MAP4K3: variants seen among roughly 807,000 people sequenced by gnomAD.
The protein encoded by MAP4K3 is mitogen-activated protein kinase kinase kinase kinase 3.
In MAP4K3, 94 loss-of-function variants were observed where a neutral mutation model predicts 143.5. The ratio of observed to expected loss-of-function variants is 0.65; its 90% CI spans 0.55 to 0.78. MAP4K3 has a LOEUF of 0.78. MAP4K3 is among the 30% of genes least tolerant of loss of function. The pLI is 0.00. For synonymous variants in MAP4K3, 416 were observed against 347.2 expected, an observed-to-expected ratio of 1.20 and a Z score of -2.20; for missense variants, 1,077 against 1,068.1, an observed-to-expected ratio of 1.01 and a Z score of -0.12.
chr2:39,416,002 T>TAA (rs1667367430), intron 1 of MAP4K3, among the ~76,000 whole-genome samples: 5 of 91,150 alleles, frequency 5.5e-5, no homozygotes, highest in African/African-American at 2.3e-4. Flanking sequence ...TATATATATA[T>TAA]ATAAAAATAA....
chr2:39,383,988 A>G (rs1217950508), intron 1 of MAP4K3, among the ~76,000 whole-genome samples: 2 of 151,836 alleles, frequency 1.3e-5, no homozygotes, highest in African/African-American at 2.4e-5. Context: ...GCATGTGCCT[A>G]TAGTCCCAGT....
At chr2:39,257,240 A>C (rs1006106595) in intron 31 of MAP4K3, among the ~76,000 whole-genome samples, 1 of 152,212 alleles carries the variant, frequency 6.6e-6, no homozygotes, top group African/African-American at 2.4e-5. Context: ...GCACTATCCT[A>C]CATAAGATGA....
chr2:39,303,602 G>A (rs900178847), intron 15 of MAP4K3, among the ~76,000 whole-genome samples: 2 of 152,122 alleles, frequency 1.3e-5, no homozygotes, highest in Non-Finnish European at 2.9e-5. Flanking sequence ...GCAGTGGCAC[G>A]ATCTCGGCTC....
chr2:39,415,980 AATATATATATATATAT>A (rs1553318574), intron 1 of MAP4K3, among the ~76,000 whole-genome samples: 1 of 14,756 alleles, frequency 6.8e-5, no homozygotes, highest in African/African-American at 2.0e-4. Context: ...AAAAAAAAAA[AATATATATATATATAT>A]ATATATATAA....
chr2:39,335,826 T>C (rs1664932848), intron 6 of MAP4K3, among the ~76,000 whole-genome samples: 1 of 152,176 alleles, frequency 6.6e-6, no homozygotes, highest in African/African-American at 2.4e-5. Flanking sequence ...TTGAAATTTC[T>C]TGGAAAATTT....
chr2:39,306,078 T>A (rs190234001), intron 15 of MAP4K3, among the ~76,000 whole-genome samples: 2 of 152,228 alleles, frequency 1.3e-5, no homozygotes, highest in Non-Finnish European at 2.9e-5. Context: ...TCTGCCCGCC[T>A]TGGCCTCCCA....
In MAP4K3 at chr2:39,356,249, C is replaced by G. The variant is rs751662211; in HGVS notation, c.245G>C (p.Arg82Thr). The change falls in exon 3 of 34, where the codon AGG (arginine) becomes ACG (threonine). Residue 82 changes from arginine (R) to threonine (T), a missense_variant and splice_region_variant. By Grantham distance (71) the Arg-to-Thr change is moderately conservative. This residue lies in a region of MAP4K3 where 213 missense variants were observed against 266.8 expected (regional missense o/e 0.80). Coordinates refer to ENST00000263881, the MANE Select transcript of MAP4K3 (RefSeq NM_003618.4). ...TTCAAAAGGGAAACAAACAGTATAC[C>G]TGAGATAGCTTCCAAAATAAGCAAC... ...NIVAYFGSYL[R>T]RDKLWICMEF... 6.4e-7 allele frequency: 1 copy of G among 1,566,462 alleles called. No individual in the cohort carries two copies. The highest frequency in any genetic ancestry group is 8.7e-7 in the Non-Finnish European group (1 of 1,145,822).
chr2:39,346,002 G>A (rs1050414332), intron 3 of MAP4K3, among the ~76,000 whole-genome samples: 11 of 151,332 alleles, frequency 7.3e-5, no homozygotes, highest in African/African-American at 2.7e-4. Context: ...TTCATAGGTG[G>A]TTCACATAAC....
intron 22 of MAP4K3, among the ~76,000 whole-genome samples, chr2:39,281,452 G>C (rs1031072487): frequency 2.4e-4 from 36 of 152,284 alleles, no homozygotes; most frequent in African/African-American, 8.2e-4. Flanking sequence ...CATGTCTTTA[G>C]GATGTAGGGC....
chr2:39,417,641 CAGAG>C (rs1450325906), intron 1 of MAP4K3, among the ~76,000 whole-genome samples: 13 of 152,254 alleles, frequency 8.5e-5, no homozygotes, highest in Admixed American at 2.0e-4. Context: ...CAGATACAGA[CAGAG>C]AGATACTAAA....
Position 39,437,264 on chromosome 2 carries a change from G to C in MAP4K3, c.-277C>G, listed in dbSNP as rs1233456359. The C allele has an allele frequency of 1.2e-5, 3 of 254,348 alleles. No individual in the cohort carries two copies. The highest frequency in any genetic ancestry group is 2.2e-5 in the Non-Finnish European group (3 of 134,626). The allele number at this position is 254,348 out of a possible 1,614,324, so 15.8% of individuals were successfully genotyped here. A position where few individuals can be genotyped will look rare whatever the true frequency, so the allele number is the denominator to read the frequency against. ...GAACCCTCGCAGCCCCTCGCTCGGGGTGAAACTCCAACATGGCTTCCGCTT... is the reference window on the plus strand; with the variant it reads ...GAACCCTCGCAGCCCCTCGCTCGGGCTGAAACTCCAACATGGCTTCCGCTT... On this transcript the variant is annotated 5_prime_UTR_variant, in exon 1 of 34. Coordinates refer to ENST00000263881, the MANE Select transcript of MAP4K3 (RefSeq NM_003618.4).
intron 26 of MAP4K3, among the ~76,000 whole-genome samples, chr2:39,268,632 C>CTTT (rs1389888924): frequency 8.7e-5 from 4 of 45,734 alleles, no homozygotes; most frequent in Non-Finnish European, 1.7e-4. Context: ...AAGATTTTTT[C>CTTT]TATTTTTTTT....
intron 3 of MAP4K3, among the ~76,000 whole-genome samples, chr2:39,355,359 CAAAAAA>C (rs34355105): frequency 2.9e-5 from 1 of 34,540 alleles, no homozygotes; most frequent in South Asian, 1.1e-3. Flanking sequence ...GACTCCACCT[CAAAAAA>C]AAAAAAAAAA....
At chr2:39,391,832 G>T (rs1263616724) in intron 1 of MAP4K3, among the ~76,000 whole-genome samples, 3 of 152,084 alleles carry the variant, frequency 2.0e-5, no homozygotes, top group African/African-American at 7.2e-5. Context: ...CATGGAGTTG[G>T]GAGGAGATGC....
chr2:39,334,925 C>T (rs1206346334), intron 6 of MAP4K3, among the ~76,000 whole-genome samples: 1 of 152,044 alleles, frequency 6.6e-6, no homozygotes, highest in East Asian at 1.9e-4. Context: ...GAAGGCCTCT[C>T]CAAAGGCAGT....
intron 1 of MAP4K3, among the ~76,000 whole-genome samples, chr2:39,428,326 C>A (rs1048927802): frequency 1.3e-5 from 2 of 152,156 alleles, no homozygotes; most frequent in Non-Finnish European, 2.9e-5. Context: ...GCAAAATACA[C>A]AGAAACACAC....
At chr2:39,420,779 A>T (rs963675995) in intron 1 of MAP4K3, among the ~76,000 whole-genome samples, 7 of 152,198 alleles carry the variant, frequency 4.6e-5, no homozygotes, top group Non-Finnish European at 5.9e-5. Context: ...TGAAAACTCA[A>T]GCAAAAGATG....
intron 1 of MAP4K3, among the ~76,000 whole-genome samples, chr2:39,418,394 A>G (rs975804603): frequency 4.6e-5 from 7 of 152,174 alleles, no homozygotes; most frequent in African/African-American, 1.7e-4. Flanking sequence ...AAATACATAA[A>G]TGAGGACAAA....
At position 39,258,355 on chromosome 2, in the gene MAP4K3, T is replaced by C; in HGVS notation, c.2463A>G (p.Glu821=). The C allele has an allele frequency of 6.3e-7, 1 of 1,595,038 alleles. No individual in the cohort carries two copies. Among genetic ancestry groups the C allele is most frequent in the Admixed American group, 1.7e-5 (1 of 58,772 alleles). ...SSELTFDFQI[E]SIVCLQDSVL... Reference sequence around the variant, plus strand: ...TATAAAACTTTGACTTACCTATTGATTCAATCTGGAAATCAAAGGTGAGTT... The same window carrying C: ...TATAAAACTTTGACTTACCTATTGACTCAATCTGGAAATCAAAGGTGAGTT... The change falls in exon 31 of 34, where the codon GAA becomes GAG. Residue 821 remains glutamate, a synonymous_variant. Transcript: ENST00000263881.
Sources: gnomAD v4.1 joint callset for allele counts (sites outside exome capture counted in the v4.1 genomes callset) on GRCh38, gnomAD v4.1.1 for gene constraint, gnomAD v4.1.1 regional missense constraint, MANE v1.5 for transcripts, NCBI Gene and HGNC (gene_info 2026-07-23, HGNC 2026-07-21) for gene names.